KDM4C: variants seen among roughly 807,000 people sequenced by gnomAD.
KDM4C encodes lysine demethylase 4C.
KDM4C carries 81 observed loss-of-function variants against 129.3 expected under a neutral mutation model. The observed-to-expected ratio is 0.63, with a 90% CI of 0.52 to 0.75. The LOEUF (loss-of-function observed/expected upper bound fraction) is 0.75. Among genes scored for constraint, KDM4C ranks in the 30% least tolerant of loss-of-function variants. The pLI is 0.00. For missense variants in KDM4C, 1,457 were observed against 1,304.0 expected, an observed-to-expected ratio of 1.12 and a Z score of -1.81; for synonymous variants, 573 against 456.1, an observed-to-expected ratio of 1.26 and a Z score of -3.26.
At chr9:6,888,093 ATTTTG>A in intron 7 of KDM4C, 30 bp downstream of exon 7, 1 of 1,207,498 alleles carries the variant, frequency 8.3e-7, no homozygotes, top group Non-Finnish European at 1.2e-6. Flanking sequence ...ACACAAATTA[ATTTTG>A]TTTGTGTAGG....
intron 19 of KDM4C, among the ~76,000 whole-genome samples, chr9:7,154,922 C>T (rs569201099): frequency 6.6e-6 from 1 of 152,238 alleles, no homozygotes; most frequent in Admixed American, 6.5e-5. Flanking sequence ...AGATGGACTG[C>T]TTCAAAGAGT....
chr9:6,823,957 C>T (rs1446066366), intron 4 of KDM4C, among the ~76,000 whole-genome samples: 1 of 152,208 alleles, frequency 6.6e-6, no homozygotes, highest in Admixed American at 6.5e-5. Context: ...GGGAAGATGA[C>T]AGCAGTAATG....
At chr9:7,108,727 A>G (rs190262624) in intron 18 of KDM4C, among the ~76,000 whole-genome samples, 249 of 152,264 alleles carry the variant, frequency 1.6e-3, no homozygotes, top group African/African-American at 5.7e-3. Context: ...TGGGGTGATG[A>G]TGGAATGGGC....
intron 17 of KDM4C, among the ~76,000 whole-genome samples, chr9:7,065,894 A>G (rs1318039770): frequency 6.6e-6 from 1 of 152,068 alleles, no homozygotes; most frequent in South Asian, 2.1e-4. Flanking sequence ...AAAGCAAAAG[A>G]CAAAAAATTG....
At chr9:6,884,349 G>C (rs1844929077) in intron 6 of KDM4C, among the ~76,000 whole-genome samples, 1 of 152,130 alleles carries the variant, frequency 6.6e-6, no homozygotes, top group Non-Finnish European at 1.5e-5. Context: ...TAGGTCATTG[G>C]TTCTTTTCAT....
Position 7,011,804 on chromosome 9 carries a change from G to A in KDM4C, c.1893G>A (p.Glu631=), listed in dbSNP as rs1484609209. ...CGAAGTCCCCTAACTTCGCAGCTGA[G>A]CAAGAGTATAATGCAACAGTGGCCA... ...WQTKSPNFAA[E]QEYNATVARM... Residue 631 remains glutamate, a synonymous_variant, in exon 13 of 22, where the codon GAG becomes GAA. Coordinates refer to ENST00000381309, the MANE Select transcript of KDM4C (RefSeq NM_015061.6). 1 of 1,614,144 alleles carries A rather than the reference G, an allele frequency of 6.2e-7. No homozygotes were observed. Among genetic ancestry groups the A allele is most frequent in the South Asian group, 1.1e-5 (1 of 91,080 alleles).
At chr9:6,904,852 C>T (rs1818024224) in intron 8 of KDM4C, among the ~76,000 whole-genome samples, 1 of 151,910 alleles carries the variant, frequency 6.6e-6, no homozygotes, top group Admixed American at 6.6e-5. Context: ...CGTTAGTCAA[C>T]AGTTTTGTGG....
chr9:7,041,291 A>G (rs1008164648), intron 15 of KDM4C, among the ~76,000 whole-genome samples: 1 of 152,040 alleles, frequency 6.6e-6, no homozygotes, highest in Non-Finnish European at 1.5e-5. Flanking sequence ...GAGATGATTT[A>G]AAGTATACAG....
chr9:6,948,953 G>T (rs1258630185), intron 8 of KDM4C, among the ~76,000 whole-genome samples: 2 of 150,496 alleles, frequency 1.3e-5, no homozygotes, highest in African/African-American at 5.0e-5. Flanking sequence ...TCTATTCGAC[G>T]AAACCGCCAT....
At chr9:7,040,981 T>A (rs1828499643) in intron 15 of KDM4C, among the ~76,000 whole-genome samples, 1 of 151,962 alleles carries the variant, frequency 6.6e-6, no homozygotes, top group South Asian at 2.1e-4. Context: ...ACCCCTTTTC[T>A]CTTTTTTCAC....
intron 8 of KDM4C, among the ~76,000 whole-genome samples, chr9:6,969,150 G>A (rs1487594376): frequency 6.6e-6 from 1 of 152,126 alleles, no homozygotes; most frequent in Non-Finnish European, 1.5e-5. Context: ...TGGCCAGGCT[G>A]GTCTCGAACT....
rs574870881 is a variant in KDM4C at position 7,028,766 on chromosome 9, C to T, written c.2259+12837C>T. On this transcript the variant is annotated intron_variant, in intron 15 of 21. Coordinates refer to ENST00000381309, the MANE Select transcript of KDM4C (RefSeq NM_015061.6). ...ACTGGGATGTGTGATCTCCCTCTGA[C>T]GTGGACTGGTTAAATATTCCCTCTG... 1.1e-3 allele frequency among the ~76,000 whole-genome samples: 166 copies of T among 152,216 alleles called. 1 individual carries two copies. Among genetic ancestry groups the T allele is most frequent in the Middle Eastern group, 3.4e-3 (1 of 294 alleles).
intron 8 of KDM4C, among the ~76,000 whole-genome samples, chr9:6,900,997 G>T (rs1282120509): frequency 6.6e-6 from 1 of 151,740 alleles, no homozygotes; most frequent in Non-Finnish European, 1.5e-5. Flanking sequence ...CCTTAGTTTG[G>T]ACTTTTCCAT....
chr9:6,950,373 CT>C (rs1589270006), intron 8 of KDM4C, among the ~76,000 whole-genome samples: 1 of 151,962 alleles, frequency 6.6e-6, no homozygotes, highest in African/African-American at 2.4e-5. Context: ...CTGATCTAGG[CT>C]TTTTTGTTTT....
At chr9:6,760,851 C>T (rs1248230312) in intron 1 of KDM4C, among the ~76,000 whole-genome samples, 3 of 151,656 alleles carry the variant, frequency 2.0e-5, no homozygotes, top group African/African-American at 7.3e-5. Context: ...GGATTACAGG[C>T]GTGAGCCACC....
At chr9:7,015,527 A>T (rs1823500393) in intron 14 of KDM4C, among the ~76,000 whole-genome samples, 1 of 152,146 alleles carries the variant, frequency 6.6e-6, no homozygotes, top group African/African-American at 2.4e-5. Flanking sequence ...GTTAAAATGT[A>T]TTTATTATAT....
chr9:6,968,195 A>G (rs1831335199), intron 8 of KDM4C, among the ~76,000 whole-genome samples: 1 of 152,190 alleles, frequency 6.6e-6, no homozygotes, highest in African/African-American at 2.4e-5. Flanking sequence ...TGAATGAACA[A>G]TGCCCTGGGT....
intron 2 of KDM4C, among the ~76,000 whole-genome samples, chr9:6,802,280 A>G (rs866716569): frequency 6.6e-6 from 1 of 152,188 alleles, no homozygotes; most frequent in Non-Finnish European, 1.5e-5. Flanking sequence ...GTGTGGAGGA[A>G]TGGGAACTCT....
intron 1 of KDM4C, among the ~76,000 whole-genome samples, chr9:6,731,012 C>T (rs993643439): frequency 2.6e-5 from 4 of 152,186 alleles, no homozygotes; most frequent in East Asian, 3.8e-4. Flanking sequence ...CTCAGGCCAT[C>T]CTTAGTTCGC....
Sources: allele counts gnomAD v4.1 joint callset (sites outside exome capture counted in the v4.1 genomes callset), GRCh38; gene constraint gnomAD v4.1.1; transcripts MANE v1.5; gene names NCBI Gene and HGNC (gene_info 2026-07-23, HGNC 2026-07-21).